RICTOR: variants seen among roughly 807,000 people sequenced by gnomAD.
The protein encoded by RICTOR is RPTOR independent companion of MTOR complex 2.
In RICTOR, 49 loss-of-function variants were observed where a neutral mutation model predicts 214.9. That is an observed-to-expected ratio of 0.23 (90% CI 0.18 to 0.29). The LOEUF is 0.29. Ranked by LOEUF, RICTOR falls within the 10% of genes least tolerant of loss-of-function variation. The pLI is 1.00. For synonymous variants in RICTOR, 717 were observed against 711.3 expected, an observed-to-expected ratio of 1.01 and a Z score of -0.13; for missense variants, 1,625 against 2,047.0, an observed-to-expected ratio of 0.79 and a Z score of 3.98.
intron 3 of RICTOR, among the ~76,000 whole-genome samples, chr5:39,006,354 T>G (rs1439513264): frequency 6.6e-6 from 1 of 152,140 alleles, no homozygotes; most frequent in East Asian, 1.9e-4. Flanking sequence ...AATCTAGATA[T>G]GAGTCTGGAG....
At chr5:39,053,022 A>C (rs1757956157) in intron 2 of RICTOR, among the ~76,000 whole-genome samples, 1 of 152,226 alleles carries the variant, frequency 6.6e-6, no homozygotes, top group Non-Finnish European at 1.5e-5. Flanking sequence ...TTAGCAATGA[A>C]ATTTGTAAGA....
In RICTOR at chr5:38,953,124, AAG is replaced by A. The variant is rs751227737; in HGVS notation, c.2791-35_2791-34del. ...AAAAGAAATCACTTACATCAAATATAAGAGTCACTCTTTCAAAAGATTTGGAA... is the reference window on the plus strand; with the variant it reads ...AAAAGAAATCACTTACATCAAATATAAGTCACTCTTTCAAAAGATTTGGAA... On this transcript the variant is annotated intron_variant, in intron 28 of 37. Coordinates refer to ENST00000357387, the MANE Select transcript of RICTOR (RefSeq NM_152756.5). The A allele has an allele frequency of 2.2e-5, 31 of 1,382,986 alleles. No homozygotes were observed. The Admixed American group carries it at 5.4e-4, about 24-fold the overall frequency. The allele number at this position is 1,382,986 out of a possible 1,614,324, so 85.7% of individuals were successfully genotyped here.
At chr5:38,993,510 A>G (rs963757252) in intron 6 of RICTOR, among the ~76,000 whole-genome samples, 3 of 152,118 alleles carry the variant, frequency 2.0e-5, no homozygotes, top group Non-Finnish European at 4.4e-5. Context: ...AGCAGACAGA[A>G]CATTTCCAAA....
rs1190886416 is a variant in RICTOR, at chr5:38,990,528, T to TATATACACGATATATACAAG, written c.583+420_583+421insCTTGTATATATCGTGTATAT. ...CGATATATACACGATATATATACGA[T>TATATACACGATATATACAAG]ATATATACGATATATACACGATATA... On this transcript the variant is annotated intron_variant, in intron 7 of 37. Coordinates refer to ENST00000357387, the MANE Select transcript of RICTOR (RefSeq NM_152756.5). Among the ~76,000 whole-genome samples the TATATACACGATATATACAAG allele has an allele frequency of 4.1e-5, 6 of 146,360 alleles. No individual in the cohort carries two copies. In the East Asian group the frequency reaches 7.9e-4, roughly 19 times the overall value.
chr5:39,054,191 T>A (rs1484886483), intron 2 of RICTOR, among the ~76,000 whole-genome samples: 1 of 151,198 alleles, frequency 6.6e-6, no homozygotes, highest in East Asian at 1.9e-4. Context: ...AAAAAAAAAA[T>A]ACAAAGAACA....
At chr5:39,030,101 G>A (rs1032368370) in intron 2 of RICTOR, among the ~76,000 whole-genome samples, 1 of 152,040 alleles carries the variant, frequency 6.6e-6, no homozygotes, top group African/African-American at 2.4e-5. Flanking sequence ...ACCATAAAGT[G>A]CTACACAAAT....
chr5:38,958,786 C>G lies in RICTOR; in HGVS notation c.2224G>C (p.Ala742Pro). The G allele has an allele frequency of 6.2e-7, 1 of 1,609,676 alleles. No homozygotes were observed. Among genetic ancestry groups the G allele is most frequent in the Non-Finnish European group, 8.5e-7 (1 of 1,177,332 alleles). Reference protein sequence around the residue: ...ATKHLRVLLRANVEFFNNWGI... With the variant: ...ATKHLRVLLRPNVEFFNNWGI... ...CAATTATTAAAGAATTCAACATTAG[C>G]TCTCAATAATACCCTTAAATGTTTT... The change falls in exon 23 of 38, where the codon GCT becomes CCT. Residue 742 changes from alanine (A) to proline (P), a missense_variant. This residue lies in a region of RICTOR where 1,214 missense variants were observed against 1,470.5 expected (regional missense o/e 0.83). Transcript: ENST00000357387.
Position 38,959,827 on chromosome 5 carries a change from C to A in RICTOR, c.2003G>T (p.Cys668Phe), listed in dbSNP as rs1007234506. ...CAGCATTTTAACTCCATGAGGGTGGCAAGAAAGTGTTCCAATAAATAAAAA... is the reference window on the plus strand; with the variant it reads ...CAGCATTTTAACTCCATGAGGGTGGAAAGAAAGTGTTCCAATAAATAAAAA... ...HYFLFIGTLSCHPHGVKMLEK... is the reference protein window; with the variant it reads ...HYFLFIGTLSFHPHGVKMLEK... Residue 668 changes from cysteine to phenylalanine, a missense_variant, in exon 21 of 38, where the codon TGC becomes TTC. Cys to Phe is a radical substitution (Grantham distance 205, BLOSUM62 -2). This residue lies in a region of RICTOR where 1,214 missense variants were observed against 1,470.5 expected (regional missense o/e 0.83). Coordinates refer to ENST00000357387, the MANE Select transcript of RICTOR (RefSeq NM_152756.5). The A allele has an allele frequency of 1.2e-5, 20 of 1,613,318 alleles. No homozygotes were observed. Among genetic ancestry groups the A allele is most frequent in the Non-Finnish European group, 1.7e-5 (20 of 1,179,584 alleles).
At chr5:39,046,310 A>C (rs1757495665) in intron 2 of RICTOR, among the ~76,000 whole-genome samples, 1 of 151,458 alleles carries the variant, frequency 6.6e-6, no homozygotes, top group Non-Finnish European at 1.5e-5. Flanking sequence ...GCTACAGTGA[A>C]CTATGATGGT....
rs1747224886 is a variant in RICTOR at position 38,938,698 on chromosome 5, TCA to T, written c.*3604_*3605del. The T allele has an allele frequency of 8.6e-6, 2 of 232,628 alleles. No homozygotes were observed. Among genetic ancestry groups the T allele is most frequent in the East Asian group, 6.1e-5 (1 of 16,426 alleles). 14.4% of individuals were successfully genotyped at this position (232,628 alleles called of 1,614,324 possible). On this transcript the variant is annotated 3_prime_UTR_variant, in exon 38 of 38. Transcript: ENST00000357387. The stretch of plus-strand genomic sequence containing the variant: ...GAAAAGAATGCTCCTAGAAAGATTC[TCA>T]CAGATTTCAGTGTTCTTTGATAAGC...
chr5:39,039,459 G>C lies in RICTOR; in HGVS notation c.98-18323C>G, dbSNP rs969521957. On this transcript the variant is annotated intron_variant, in intron 2 of 37. Transcript: ENST00000357387. ...AGCAATGGCAACAAAAGCCAAAATT[G>C]ACAAATGGGATCTAATTAAACTAAA... 1.2e-3 allele frequency among the ~76,000 whole-genome samples: 185 copies of C among 152,230 alleles called. 1 individual carries two copies. The highest frequency in any genetic ancestry group is 4.2e-3 in the African/African-American group (173 of 41,560).
chr5:38,981,748 C>T (rs1235939172), intron 8 of RICTOR, 119 bp downstream of exon 8: 7 of 625,508 alleles, frequency 1.1e-5, no homozygotes, highest in East Asian at 8.6e-5. Context: ...AAATTAGTGT[C>T]GGCTAATTTA....
At chr5:39,008,248 G>A (rs988302797) in intron 3 of RICTOR, among the ~76,000 whole-genome samples, 1 of 151,852 alleles carries the variant, frequency 6.6e-6, no homozygotes, top group Non-Finnish European at 1.5e-5. Flanking sequence ...ACTCCTCTGC[G>A]TTTTTGTGTA....
At chr5:39,059,229 T>C (rs938308375) in intron 2 of RICTOR, among the ~76,000 whole-genome samples, 6 of 152,154 alleles carry the variant, frequency 3.9e-5, no homozygotes, top group Non-Finnish European at 7.4e-5. Flanking sequence ...TTTATCACCA[T>C]GGATTAGTTT....
chr5:39,052,180 C>G (rs1053091603), intron 2 of RICTOR, among the ~76,000 whole-genome samples: 1 of 151,782 alleles, frequency 6.6e-6, no homozygotes, highest in Non-Finnish European at 1.5e-5. Flanking sequence ...TCAAGATCAG[C>G]CTGGCTAACA....
intron 7 of RICTOR, among the ~76,000 whole-genome samples, chr5:38,983,120 G>C (rs10461996): frequency 0.04 from 6,137 of 152,156 alleles, 313 homozygotes; most frequent in East Asian, 0.27. Flanking sequence ...CTCCTCCATT[G>C]CACAGGCAGC....
At chr5:39,059,312 G>A (rs563946088) in intron 2 of RICTOR, among the ~76,000 whole-genome samples, 5 of 152,138 alleles carry the variant, frequency 3.3e-5, no homozygotes, top group South Asian at 2.1e-4. Flanking sequence ...AAAAACCGGC[G>A]GCTAAACTAA....
chr5:38,944,687 AC>A (rs1160477521), intron 35 of RICTOR, 118 bp from the exon 36 acceptor site: 42 of 975,558 alleles, frequency 4.3e-5, no homozygotes, highest in Admixed American at 8.1e-5. Context: ...CACATGATCT[AC>A]CAATCATTTT....
rs758344465 is a variant in RICTOR at position 38,946,458 on chromosome 5, A to G, written c.4399+10T>C. On this transcript the variant is annotated intron_variant, in intron 33 of 37. Coordinates refer to ENST00000357387, the MANE Select transcript of RICTOR (RefSeq NM_152756.5). ...GAGGCATCTCACAAGTACAATGCAC[A>G]ATGCATTACCTCCTGCATCATGGGC... The G allele has an allele frequency of 3.2e-6, 5 of 1,542,342 alleles. No individual in the cohort carries two copies. Among genetic ancestry groups the G allele is most frequent in the Admixed American group, 3.3e-5 (2 of 59,872 alleles).
Sources: allele counts gnomAD v4.1 joint callset (sites outside exome capture counted in the v4.1 genomes callset), GRCh38; gene constraint gnomAD v4.1.1; regional missense constraint gnomAD v4.1.1; transcripts MANE v1.5; gene names NCBI Gene and HGNC (gene_info 2026-07-23, HGNC 2026-07-21).